The following HOOK3 variants were observed in gnomAD, a reference collection of about 807,000 sequenced individuals.
HOOK3 encodes protein Hook homolog 3.
HOOK3 carries 24 observed loss-of-function variants against 116.3 expected under a neutral mutation model. The observed-to-expected ratio is 0.21, with a 90% CI of 0.15 to 0.29. The LOEUF is 0.29. Among genes scored for constraint, HOOK3 ranks in the 10% least tolerant of loss-of-function variants. The pLI, the probability that HOOK3 is intolerant of heterozygous loss-of-function variation, is 1.00. For synonymous variants in HOOK3, 275 were observed against 283.0 expected, an observed-to-expected ratio of 0.97 and a Z score of 0.28; for missense variants, 632 against 830.2, an observed-to-expected ratio of 0.76 and a Z score of 2.93.
chr8:42,901,710 A>G (rs1362268277), intron 1 of HOOK3, among the ~76,000 whole-genome samples: 2 of 152,200 alleles, frequency 1.3e-5, no homozygotes, highest in Non-Finnish European at 2.9e-5. Flanking sequence ...AGAGAAAAAA[A>G]CAAATCAAGT....
At chr8:42,912,847 C>T (rs1807458585) in intron 2 of HOOK3, among the ~76,000 whole-genome samples, 2 of 152,200 alleles carry the variant, frequency 1.3e-5, no homozygotes, top group Admixed American at 6.5e-5. Flanking sequence ...TATGTATCTA[C>T]CATGGTAGTA....
chr8:43,009,265 G>GGGC (rs772603527), intron 18 of HOOK3, among the ~76,000 whole-genome samples: 5 of 152,032 alleles, frequency 3.3e-5, no homozygotes, highest in Middle Eastern at 3.4e-3. Context: ...AATTAGCCGG[G>GGGC]GGTGGTGGCA....
intron 2 of HOOK3, among the ~76,000 whole-genome samples, chr8:42,914,799 A>C (rs1807499126): frequency 6.6e-6 from 1 of 152,210 alleles, no homozygotes; most frequent in African/African-American, 2.4e-5. Context: ...GCATAGAAGC[A>C]AACTGTTACT....
intron 18 of HOOK3, among the ~76,000 whole-genome samples, chr8:43,008,853 G>A (rs1809547445): frequency 6.7e-6 from 1 of 150,010 alleles, no homozygotes; most frequent in Non-Finnish European, 1.5e-5. Context: ...TAGAGACGGG[G>A]TTTCACCGTT....
At chr8:43,012,923 C>G (rs1412670515) in intron 19 of HOOK3, 128 bp from the exon 20 acceptor site, 1 of 638,324 alleles carries the variant, frequency 1.6e-6, no homozygotes, top group Non-Finnish European at 2.6e-6. Flanking sequence ...TTAAAATACC[C>G]TTGTAAGATA....
chr8:42,903,307 A>G (rs1239621855), intron 1 of HOOK3, among the ~76,000 whole-genome samples: 2 of 151,746 alleles, frequency 1.3e-5, no homozygotes, highest in Admixed American at 1.3e-4. Context: ...TTATATACAA[A>G]GAAGCTACTG....
intron 15 of HOOK3, among the ~76,000 whole-genome samples, chr8:42,993,526 G>T (rs958734598): frequency 3.9e-5 from 6 of 152,122 alleles, no homozygotes; most frequent in African/African-American, 1.4e-4. Context: ...CACATAGAAT[G>T]AGTTTGGAGG....
Position 42,980,239 on chromosome 8 carries a change from C to T in HOOK3, c.1322-2388C>T, listed in dbSNP as rs866044283. Among the ~76,000 whole-genome samples, 3 of 151,948 alleles carry T rather than the reference C, an allele frequency of 2.0e-5. No homozygotes were observed. The East Asian group carries it at 5.8e-4, about 29-fold the overall frequency. On this transcript the variant is annotated intron_variant, in intron 13 of 21. Coordinates refer to ENST00000307602, the MANE Select transcript of HOOK3 (RefSeq NM_032410.4). ...AAGTGCTGGGATTACAGGTGTGAGC[C>T]ACTGCACCCGACCTCTACATGAGTT...
rs546119220 is a variant in HOOK3, at chr8:42,973,358, C to T, written c.1192C>T (p.Arg398Trp). 1.2e-5 allele frequency: 20 copies of T among 1,612,184 alleles called. No individual in the cohort carries two copies. Among genetic ancestry groups the T allele is most frequent in the East Asian group, 4.5e-5 (2 of 44,782 alleles). Residue 398 changes from arginine to tryptophan, a missense_variant, in exon 12 of 22, where the codon CGG (arginine) becomes TGG (tryptophan). By Grantham distance (101) the Arg-to-Trp change is moderately radical. Coordinates refer to ENST00000307602, the MANE Select transcript of HOOK3 (RefSeq NM_032410.4). ...AGATAAACTAGATTTTGAATATAAG[C>T]GGCTAAAAGAAAAAGTTGACAGTCT... is the stretch of plus-strand genomic sequence containing the variant. The part of the protein sequence containing the change: ...KADKLDFEYK[R>W]LKEKVDSLQK...
In HOOK3 at chr8:43,013,352, T is replaced by C; in HGVS notation, c.1968T>C (p.Ser656=). ...AGAAAGAATATGAGAAAACAAAGAG[T>C]CAGAGAGAGATGGAAGAGAAATATA... ...SLEKEYEKTK[S]QREMEEKYIV... Residue 656 remains serine (S), a synonymous_variant, in exon 21 of 22, where the codon AGT becomes AGC. Transcript: ENST00000307602. The C allele has an allele frequency of 6.3e-7, 1 of 1,582,944 alleles. No homozygotes were observed. Among genetic ancestry groups the C allele is most frequent in the Non-Finnish European group, 8.6e-7 (1 of 1,168,500 alleles).
intron 4 of HOOK3, among the ~76,000 whole-genome samples, chr8:42,937,484 G>A (rs1392204710): frequency 6.6e-6 from 1 of 151,558 alleles, no homozygotes; most frequent in East Asian, 1.9e-4. Context: ...GTGATGTTAG[G>A]GTGTCGATTT....
intron 16 of HOOK3, chr8:42,997,950 C>CA: frequency 4.1e-6 from 1 of 242,052 alleles, no homozygotes; most frequent in Non-Finnish European, 8.1e-6. Flanking sequence ...TCCCCTTTGG[C>CA]CAAAAAAAAA....
In HOOK3 at chr8:42,974,435, C is replaced by T. The variant is rs565865103; in HGVS notation, c.1321+241C>T. On this transcript the variant is annotated intron_variant, in intron 13 of 21. Coordinates refer to ENST00000307602, the MANE Select transcript of HOOK3 (RefSeq NM_032410.4). ...TGTATTTTTAGTAGAGATGGGGTTTCACCATGTTGGCCAGGCTGGTCTGGA... is the reference window on the plus strand; with the variant it reads ...TGTATTTTTAGTAGAGATGGGGTTTTACCATGTTGGCCAGGCTGGTCTGGA... Among the ~76,000 whole-genome samples the T allele has an allele frequency of 1.6e-4, 25 of 152,296 alleles. No homozygotes were observed. In the South Asian group the frequency reaches 5.0e-3, roughly 30 times the overall value.
chr8:43,005,242 A>G (rs1809461889), intron 17 of HOOK3, among the ~76,000 whole-genome samples: 1 of 88,696 alleles, frequency 1.1e-5, no homozygotes, highest in African/African-American at 4.9e-5. Flanking sequence ...TTTTTTTGAG[A>G]CGGAGTCTCG....
rs531446046 is a variant in HOOK3, at chr8:42,897,131, G to T, written c.-1G>T. 3.2e-6 allele frequency: 4 copies of T among 1,246,394 alleles called. No individual in the cohort carries two copies. In the East Asian group the frequency reaches 1.3e-4, roughly 39 times the overall value. The allele number at this position is 1,246,394 out of a possible 1,614,324, so 77.2% of individuals were successfully genotyped here. On this transcript the variant is annotated 5_prime_UTR_variant, in exon 1 of 22. Coordinates refer to ENST00000307602, the MANE Select transcript of HOOK3 (RefSeq NM_032410.4). ...GGCGCTGCCTGGCCGCGGCGGGGAA[G>T]ATGTTCAGCGTAGAGTCGCTGGAGC... is the stretch of plus-strand genomic sequence containing the variant.
intron 15 of HOOK3, among the ~76,000 whole-genome samples, chr8:42,995,414 C>G (rs1267072473): frequency 6.6e-6 from 1 of 152,106 alleles, no homozygotes; most frequent in Non-Finnish European, 1.5e-5. Flanking sequence ...TGTTGTTATT[C>G]AGTTCCCCCT....
At chr8:42,911,680 G>A (rs1204791090) in intron 2 of HOOK3, among the ~76,000 whole-genome samples, 1 of 152,108 alleles carries the variant, frequency 6.6e-6, no homozygotes, top group African/African-American at 2.4e-5. Flanking sequence ...ACAAGTGGGT[G>A]GACTCAAAAT....
chr8:42,941,546 A>G lies in HOOK3; in HGVS notation c.268-1767A>G, dbSNP rs989360336. On this transcript the variant is annotated intron_variant, in intron 4 of 21. Coordinates refer to ENST00000307602, the MANE Select transcript of HOOK3 (RefSeq NM_032410.4). ...AAAAAAAAAAAAAAAAAAAAGAGGC[A>G]TGAGCCACTGTGTCTGGCCAGTATT... 6.7e-5 allele frequency among the ~76,000 whole-genome samples: 10 copies of G among 150,060 alleles called. No homozygotes were observed. In the East Asian group the frequency reaches 2.0e-3, roughly 30 times the overall value.
intron 4 of HOOK3, among the ~76,000 whole-genome samples, chr8:42,932,936 A>G (rs1807899842): frequency 6.6e-6 from 1 of 152,274 alleles, no homozygotes; most frequent in South Asian, 2.1e-4. Flanking sequence ...TTTATATTAT[A>G]TATTTCTTTG....
Sources: gnomAD v4.1 joint callset for allele counts (sites outside exome capture counted in the v4.1 genomes callset) on GRCh38, gnomAD v4.1.1 for gene constraint, MANE v1.5 for transcripts, NCBI Gene and HGNC (gene_info 2026-07-23, HGNC 2026-07-21) for gene names.